SDK1: variants seen among roughly 807,000 people sequenced by gnomAD.
SDK1 encodes protein sidekick-1.
A neutral mutation model predicts 245.5 loss-of-function variants in SDK1; 157 were observed. That is an observed-to-expected ratio of 0.64 (90% CI 0.56 to 0.73). SDK1 has a LOEUF of 0.73. SDK1 is among the 30% of genes least tolerant of loss of function. SDK1 has a pLI of 0.00. For missense variants in SDK1, 3,583 were observed against 3,002.3 expected (o/e 1.19, Z -4.52); for synonymous variants, 1,647 against 1,278.5 (o/e 1.29, Z -6.15).
intron 22 of SDK1, among the ~76,000 whole-genome samples, chr7:4,088,143 C>T (rs1461331019): frequency 2.6e-5 from 4 of 152,102 alleles, no homozygotes; most frequent in East Asian, 1.9e-4. Flanking sequence ...CTGCAAACCT[C>T]GGAAGTCTGT....
In SDK1 at chr7:4,161,797, C is replaced by T. The variant is rs1234413508; in HGVS notation, c.4741C>T (p.Pro1581Ser). The T allele has an allele frequency of 6.2e-7, 1 of 1,613,052 alleles. No homozygotes were observed. The highest frequency in any genetic ancestry group is 8.5e-7 in the Non-Finnish European group (1 of 1,179,054). The change falls in exon 32 of 45, where the codon CCC becomes TCC. Residue 1581 changes from proline to serine, a missense_variant. Physicochemically the swap from Pro to Ser is moderately conservative, Grantham distance 74 (BLOSUM62 -1). Coordinates refer to ENST00000404826, the MANE Select transcript of SDK1 (RefSeq NM_152744.4). Reference sequence around the variant, plus strand: ...CCTGTGTGTTTCAGTTCCAGGAGAGCCCCCGGGATCTGTCTCAGCGACGCC... The same window carrying T: ...CCTGTGTGTTTCAGTTCCAGGAGAGTCCCCGGGATCTGTCTCAGCGACGCC... ...VTTLQDVPGE[P>S]PGSVSATPHT...
At chr7:3,712,699 T>G (rs1785083066) in intron 4 of SDK1, among the ~76,000 whole-genome samples, 1 of 152,210 alleles carries the variant, frequency 6.6e-6, no homozygotes, top group South Asian at 2.1e-4. Flanking sequence ...AACAGACATT[T>G]ACTGGGCAGT....
At chr7:3,522,352 G>T (rs769457967) in intron 1 of SDK1, among the ~76,000 whole-genome samples, 2 of 152,226 alleles carry the variant, frequency 1.3e-5, no homozygotes, top group Non-Finnish European at 1.5e-5. Flanking sequence ...CAGCATGTCA[G>T]TGTCTCCAGT....
intron 25 of SDK1, among the ~76,000 whole-genome samples, chr7:4,123,207 A>C (rs1015938464): frequency 9.2e-5 from 14 of 152,226 alleles, no homozygotes; most frequent in African/African-American, 3.4e-4. Flanking sequence ...TTGCTATGAC[A>C]ATGGCCTCTC....
chr7:3,973,062 A>G (rs1052843453), intron 12 of SDK1, among the ~76,000 whole-genome samples: 4 of 152,090 alleles, frequency 2.6e-5, no homozygotes, highest in African/African-American at 9.7e-5. Flanking sequence ...GTGGTTTCGT[A>G]GTAGCTTGTT....
intron 5 of SDK1, among the ~76,000 whole-genome samples, chr7:3,828,686 C>A (rs1419052029): frequency 8.5e-6 from 1 of 117,064 alleles, no homozygotes; most frequent in African/African-American, 3.3e-5. Flanking sequence ...CACAAGGACT[C>A]TGTCACATGG....
Position 3,536,962 on chromosome 7 carries a change from AT to A in SDK1, c.299-82111del, listed in dbSNP as rs570280790. On this transcript the variant is annotated intron_variant, in intron 1 of 44. Transcript: ENST00000404826. ...TATTAAATCACACATCATTAAAAAT[AT>A]TTTTTTCTTCAATCTCTCTATTTTT... Among the ~76,000 whole-genome samples, 396 of 152,228 alleles carry A rather than the reference AT, an allele frequency of 2.6e-3. 2 individuals are homozygous for A. Among genetic ancestry groups the A allele is most frequent in the African/African-American group, 9.0e-3 (374 of 41,542 alleles).
chr7:4,074,055 C>G (rs1471035105), intron 20 of SDK1, among the ~76,000 whole-genome samples: 1 of 152,122 alleles, frequency 6.6e-6, no homozygotes, highest in Non-Finnish European at 1.5e-5. Flanking sequence ...TGTCCTGTTG[C>G]ATTTTGTTGC....
intron 4 of SDK1, among the ~76,000 whole-genome samples, chr7:3,778,749 C>G (rs934963354): frequency 6.6e-6 from 1 of 152,124 alleles, no homozygotes; most frequent in Non-Finnish European, 1.5e-5. Flanking sequence ...TAAGCTTAAA[C>G]AAAATGATGA....
chr7:3,915,169 G>A (rs2128110425), intron 5 of SDK1, among the ~76,000 whole-genome samples: 2 of 152,352 alleles, frequency 1.3e-5, no homozygotes, highest in South Asian at 2.1e-4. Flanking sequence ...CGTGGTAGGA[G>A]CAGGGGTAGG....
intron 5 of SDK1, among the ~76,000 whole-genome samples, chr7:3,904,610 C>T: frequency 6.6e-6 from 1 of 152,140 alleles, no homozygotes; most frequent in Non-Finnish European, 1.5e-5. Flanking sequence ...TGGAGGATGG[C>T]TTCAGCCCGG....
At chr7:3,319,881 T>TTTTTTTTTTTTTTTTTTTTTTG (rs1779757018) in intron 1 of SDK1, among the ~76,000 whole-genome samples, 1 of 131,862 alleles carries the variant, frequency 7.6e-6, no homozygotes, top group African/African-American at 3.5e-5. Context: ...TCTTAGTCTT[T>TTTTTTTTTTTTTTTTTTTTTTG]TTTTTTTTTT....
chr7:3,428,259 A>T (rs1156326952), intron 1 of SDK1, among the ~76,000 whole-genome samples: 2 of 152,150 alleles, frequency 1.3e-5, no homozygotes, highest in Non-Finnish European at 2.9e-5. Flanking sequence ...AGTTTCTTTT[A>T]TGTAATTATT....
intron 1 of SDK1, among the ~76,000 whole-genome samples, chr7:3,447,043 A>C (rs1484392274): frequency 6.6e-6 from 1 of 152,184 alleles, no homozygotes; most frequent in East Asian, 1.9e-4. Context: ...TTTTTGTGCA[A>C]GGGACCGATT....
intron 1 of SDK1, among the ~76,000 whole-genome samples, chr7:3,487,616 A>C (rs113658195): frequency 1.6e-4 from 24 of 152,000 alleles, no homozygotes; most frequent in Non-Finnish European, 4.4e-5. Context: ...TTAGCCAGGC[A>C]TGGTAGCTTG....
chr7:3,831,155 T>C (rs1015562928), intron 5 of SDK1, among the ~76,000 whole-genome samples: 1 of 152,214 alleles, frequency 6.6e-6, no homozygotes. Flanking sequence ...ACACAGCTTG[T>C]CTGGAAAAAT....
At chr7:4,031,472 G>C (rs1443647) in intron 17 of SDK1, among the ~76,000 whole-genome samples, 2 of 151,898 alleles carry the variant, frequency 1.3e-5, no homozygotes, top group Non-Finnish European at 2.9e-5. Context: ...CTATGTAAAC[G>C]TCTGAATTAT....
chr7:4,203,959 A>G (rs1784042122), intron 35 of SDK1, among the ~76,000 whole-genome samples: 1 of 152,238 alleles, frequency 6.6e-6, no homozygotes, highest in Non-Finnish European at 1.5e-5. Context: ...TCCACCCCAG[A>G]GAAAGGGGCA....
intron 1 of SDK1, among the ~76,000 whole-genome samples, chr7:3,614,814 C>T (rs1451381144): frequency 6.6e-6 from 1 of 151,866 alleles, no homozygotes; most frequent in Non-Finnish European, 1.5e-5. Context: ...CTTCCCTTCT[C>T]CTTATAATGA....
Sources: allele counts gnomAD v4.1 joint callset (sites outside exome capture counted in the v4.1 genomes callset), GRCh38; gene constraint gnomAD v4.1.1; transcripts MANE v1.5; gene names NCBI Gene and HGNC (gene_info 2026-07-23, HGNC 2026-07-21).